The following GPX2 variants were observed in gnomAD, a reference collection of about 807,000 sequenced individuals.
GPX2 encodes the protein gastrointestinal glutathione peroxidase.
Under a neutral mutation model 14.1 loss-of-function variants are expected in GPX2, and 21 were observed. The ratio of observed to expected loss-of-function variants is 1.48; its 90% CI spans 1.05 to 2.14. The LOEUF (loss-of-function observed/expected upper bound fraction) is 2.14. Ranked by LOEUF, GPX2 falls within the 30% of genes most tolerant of loss-of-function variation. The pLI is 0.00. For synonymous variants in GPX2, 94 were observed against 95.2 expected (o/e 0.99, Z 0.07); for missense variants, 241 against 249.8 (o/e 0.96, Z 0.24).
rs1885540749 is a variant in GPX2 at position 64,940,011 on chromosome 14, G to T, written c.223-173C>A. ...TGCTCACTGCAGCCTTGAACTTCTG[G>T]GCTCAAGCATTCCTCCTGCTTCAGC... On this transcript the variant is annotated intron_variant, in intron 1 of 1. Coordinates refer to ENST00000389614, the MANE Select transcript of GPX2 (RefSeq NM_002083.4). This position sits in a 1 kb window ranked among gnomAD's most constrained non-coding sequence, Gnocchi z 4.5. The T allele has an allele frequency of 6.8e-7, 1 of 1,476,068 alleles. No individual in the cohort carries two copies. The highest frequency in any genetic ancestry group is 2.4e-5 in the Admixed American group (1 of 41,576). 91.4% of individuals were successfully genotyped at this position (1,476,068 alleles called of 1,614,324 possible). A position where few individuals can be genotyped will look rare whatever the true frequency, so the allele number is the denominator to read the frequency against.
rs759867664 is a variant in GPX2 at position 64,939,840 on chromosome 14, TA to T, written c.223-3del. On this transcript the variant is annotated splice_region_variant and splice_polypyrimidine_tract_variant and intron_variant, in intron 1 of 1. Transcript: ENST00000389614. This position sits in a 1 kb window ranked among gnomAD's most constrained non-coding sequence, Gnocchi z 5.7. ...GATCTCCTCATTCTGACAGTTCTCC[TA>T]GGGGAGGAAAAAGACAAAGTGCGTG... The T allele has an allele frequency of 2.8e-5, 45 of 1,611,914 alleles. No homozygotes were observed. Among genetic ancestry groups the T allele is most frequent in the Non-Finnish European group, 3.6e-5 (43 of 1,178,488 alleles).
chr14:64,941,390 A>G (rs148262947), intron 1 of GPX2: 201 of 1,283,752 alleles, frequency 1.6e-4, no homozygotes, highest in Non-Finnish European at 1.9e-4. Context: ...CTTGATACAA[A>G]TGGCTGGCTG....
intron 1 of GPX2, chr14:64,941,488 C>T: frequency 7.8e-7 from 1 of 1,288,744 alleles, no homozygotes; most frequent in Non-Finnish European, 1.0e-6. Flanking sequence ...GCTGGAGGGA[C>T]ATCTCGAAAG....
At position 64,939,286 on chromosome 14, in the gene GPX2, CTTGGAGCCCAAGTT is replaced by C. The variant is rs1372387177; in HGVS notation, c.*188_*201del. 1 of 586,426 alleles carries C rather than the reference CTTGGAGCCCAAGTT, an allele frequency of 1.7e-6. No homozygotes were observed. The highest frequency in any genetic ancestry group is 3.0e-6 in the Non-Finnish European group (1 of 328,238). 36.3% of individuals were successfully genotyped at this position (586,426 alleles called of 1,614,324 possible). Reference sequence around the variant, plus strand: ...GTGAAGGCCCAGAGCTTACCCAAGTCTTGGAGCCCAAGTTGAATCACCAACCAGAGGGTTGGGAG... The same window carrying C: ...GTGAAGGCCCAGAGCTTACCCAAGTCGAATCACCAACCAGAGGGTTGGGAG... On this transcript the variant is annotated 3_prime_UTR_variant, in exon 2 of 2. Transcript: ENST00000389614. The surrounding 1 kb of genome is among the most constrained non-coding windows in gnomAD (Gnocchi z 5.7).
At position 64,940,826 on chromosome 14, in the gene GPX2, G is replaced by C. The variant is rs1885592597; in HGVS notation, c.223-988C>G. 6.6e-6 allele frequency among the ~76,000 whole-genome samples: 1 copy of C among 152,102 alleles called. No individual in the cohort carries two copies. Among genetic ancestry groups the C allele is most frequent in the Non-Finnish European group, 1.5e-5 (1 of 68,014 alleles). The stretch of plus-strand genomic sequence containing the variant: ...TGCTTTGGCTCAAAACCTGGTCCCT[G>C]CCTTTCCCTCCCCACTGCCATCCCT... On this transcript the variant is annotated intron_variant, in intron 1 of 1. Transcript: ENST00000389614. The surrounding 1 kb of genome is among the most constrained non-coding windows in gnomAD (Gnocchi z 4.5).
chr14:64,942,574 G>T lies in GPX2; in HGVS notation c.153C>A (p.Asn51Lys), dbSNP rs199615908. Residue 51 changes from asparagine (N) to lysine (K), a missense_variant, in exon 1 of 2, where the codon AAC (asparagine) becomes AAA (lysine). Transcript: ENST00000389614. ...GTTTRDFTQL[N>K]ELQCRFPRRL... ...GCCTGGGAAAGCGGCATTGCAGCTC[G>T]TTGAGCTGGGTGAAGTCCCGGGTGG... 490 of 1,614,238 alleles carry T rather than the reference G, an allele frequency of 3.0e-4. 1 individual carries two copies. In the African/African-American group the frequency reaches 6.2e-3, roughly 20 times the overall value.
rs1885474574 is a variant in GPX2 at position 64,939,393 on chromosome 14, G to A, written c.*95C>T. The A allele has an allele frequency of 6.7e-6, 6 of 898,308 alleles. No individual in the cohort carries two copies. In the East Asian group the frequency reaches 1.2e-4, roughly 18 times the overall value. 55.6% of individuals were successfully genotyped at this position (898,308 alleles called of 1,614,324 possible). A position where few individuals can be genotyped will look rare whatever the true frequency, so the allele number is the denominator to read the frequency against. On this transcript the variant is annotated 3_prime_UTR_variant, in exon 2 of 2. Coordinates refer to ENST00000389614, the MANE Select transcript of GPX2 (RefSeq NM_002083.4). The surrounding 1 kb of genome is among the most constrained non-coding windows in gnomAD (Gnocchi z 5.7). ...TGAAGGGGACTGATATCAAGGGAAT[G>A]CTGAGGTCCAGCAGTGTCTCCTGAA...
Position 64,940,097 on chromosome 14 carries a change from T to C in GPX2, c.223-259A>G. 4.3e-6 allele frequency: 6 copies of C among 1,401,214 alleles called. No homozygotes were observed. Among genetic ancestry groups the C allele is most frequent in the Non-Finnish European group, 5.7e-6 (6 of 1,059,714 alleles). 86.8% of individuals were successfully genotyped at this position (1,401,214 alleles called of 1,614,324 possible). On this transcript the variant is annotated intron_variant, in intron 1 of 1. Transcript: ENST00000389614. The surrounding 1 kb of genome is among the most constrained non-coding windows in gnomAD (Gnocchi z 4.5). Reference sequence around the variant, plus strand: ...ATGCCCGGCTAATTTTTTTTTTTTTTTGTAGAGATGGGGTCTCACTTTGTT... The same window carrying C: ...ATGCCCGGCTAATTTTTTTTTTTTTCTGTAGAGATGGGGTCTCACTTTGTT...
chr14:64,939,409 G>T lies in GPX2; in HGVS notation c.*79C>A. 1 of 1,062,736 alleles carries T rather than the reference G, an allele frequency of 9.4e-7. No individual in the cohort carries two copies. Among genetic ancestry groups the T allele is most frequent in the Non-Finnish European group, 1.4e-6 (1 of 705,694 alleles). 65.8% of individuals were successfully genotyped at this position (1,062,736 alleles called of 1,614,324 possible). On this transcript the variant is annotated 3_prime_UTR_variant, in exon 2 of 2. Transcript: ENST00000389614. This position sits in a 1 kb window ranked among gnomAD's most constrained non-coding sequence, Gnocchi z 5.7. ...CAAGGGAATGCTGAGGTCCAGCAGTGTCTCCTGAAGGCATGCTGCATCCTA... is the reference window on the plus strand; with the variant it reads ...CAAGGGAATGCTGAGGTCCAGCAGTTTCTCCTGAAGGCATGCTGCATCCTA...
intron 1 of GPX2, 40 bp downstream of exon 1, chr14:64,942,465 A>T (rs756456356): frequency 1.3e-6 from 2 of 1,537,362 alleles, no homozygotes; most frequent in Non-Finnish European, 1.8e-6. Context: ...AGCTACACCA[A>T]CCCAACACTT....
chr14:64,942,144 A>G (rs750862528), intron 1 of GPX2, among the ~76,000 whole-genome samples: 28 of 152,182 alleles, frequency 1.8e-4, no homozygotes, highest in Non-Finnish European at 3.2e-4. Context: ...AGTCTGTCCA[A>G]TTCTTGTTTG....
At position 64,942,652 on chromosome 14, in the gene GPX2, C is replaced by T. The variant is rs781271070; in HGVS notation, c.75G>A (p.Thr25=). ...CAATCAGCACGGCCCTGCCCCGGAA[C>T]GTATTGAAATCTACCTTCTCCCCAT... ...SLDGEKVDFN[T]FRGRAVLIEN... Residue 25 remains threonine, a synonymous_variant, in exon 1 of 2, where the codon ACG becomes ACA. Transcript: ENST00000389614. The T allele has an allele frequency of 3.2e-5, 52 of 1,614,038 alleles. No homozygotes were observed. Among genetic ancestry groups the T allele is most frequent in the Middle Eastern group, 3.3e-4 (2 of 6,084 alleles).
chr14:64,939,545 G>C lies in GPX2; in HGVS notation c.516C>G (p.Thr172=). 6.2e-7 allele frequency: 1 copy of C among 1,614,166 alleles called. No individual in the cohort carries two copies. The highest frequency in any genetic ancestry group is 8.5e-7 in the Non-Finnish European group (1 of 1,180,022). Residue 172 remains threonine, a synonymous_variant, in exon 2 of 2, where the codon ACC becomes ACG. Transcript: ENST00000389614. This position sits in a 1 kb window ranked among gnomAD's most constrained non-coding sequence, Gnocchi z 5.7. ...CAGGCTCAATGTTGATGGTTGGGAA[G>C]GTGCGGCTGTAGCGTCGGAAGGGCT... ...EGEPFRRYSR[T]FPTINIEPDI...
Position 64,942,708 on chromosome 14 carries a change from A to T in GPX2, c.19T>A (p.Ser7Thr). 1 of 1,614,046 alleles carries T rather than the reference A, an allele frequency of 6.2e-7. No individual in the cohort carries two copies. The highest frequency in any genetic ancestry group is 8.5e-7 in the Non-Finnish European group (1 of 1,179,954). ...CTGATGGCACTGAGGTCATAGAAGGACTTGGCAATGAAAGCCATGGTGAAG... is the reference window on the plus strand; with the variant it reads ...CTGATGGCACTGAGGTCATAGAAGGTCTTGGCAATGAAAGCCATGGTGAAG... MAFIAKSFYDLSAISLD... is the reference protein window; with the variant it reads MAFIAKTFYDLSAISLD... The change falls in exon 1 of 2, where the codon TCC (serine) becomes ACC (threonine). Residue 7 changes from serine to threonine, a missense_variant. By Grantham distance (58) the Ser-to-Thr change is moderately conservative (BLOSUM62 1). Transcript: ENST00000389614.
In GPX2 at chr14:64,939,900, A is replaced by G. The variant is rs990649389; in HGVS notation, c.223-62T>C. 1.3e-5 allele frequency: 21 copies of G among 1,566,906 alleles called. No homozygotes were observed. The highest frequency in any genetic ancestry group is 5.4e-5 in the Admixed American group (3 of 55,616). On this transcript the variant is annotated intron_variant, in intron 1 of 1. Coordinates refer to ENST00000389614, the MANE Select transcript of GPX2 (RefSeq NM_002083.4). The surrounding 1 kb of genome is among the most constrained non-coding windows in gnomAD (Gnocchi z 5.7). Reference sequence around the variant, plus strand: ...GTGGGGGAAGAGAAAGATCCACAACATGAAACTCTTTCACCCTCCTACACT... The same window carrying G: ...GTGGGGGAAGAGAAAGATCCACAACGTGAAACTCTTTCACCCTCCTACACT...
rs1467411134 is a variant in GPX2, at chr14:64,940,593, C to A, written c.223-755G>T. ...TTCAAGGCAACAATGAATGTGTACT[C>A]TAAATGGAACTACTTAGTAACCAAC... On this transcript the variant is annotated intron_variant, in intron 1 of 1. Transcript: ENST00000389614. This position sits in a 1 kb window ranked among gnomAD's most constrained non-coding sequence, Gnocchi z 4.5. 6.6e-6 allele frequency among the ~76,000 whole-genome samples: 1 copy of A among 152,166 alleles called. No individual in the cohort carries two copies. The highest frequency in any genetic ancestry group is 1.5e-5 in the Non-Finnish European group (1 of 68,046).
intron 1 of GPX2, chr14:64,941,669 G>A (rs1228332546): frequency 3.9e-5 from 23 of 587,836 alleles, no homozygotes; most frequent in Non-Finnish European, 5.2e-5. Flanking sequence ...ATTGAACTAA[G>A]GGGATTATAA....
In GPX2 at chr14:64,939,766, A is replaced by G. The variant is rs1362370278; in HGVS notation, c.295T>C (p.Phe99Leu). Residue 99 changes from phenylalanine (F) to leucine (L), a missense_variant, in exon 2 of 2, where the codon TTC becomes CTC. Phe to Leu is a conservative substitution (Grantham distance 22, BLOSUM62 0). Coordinates refer to ENST00000389614, the MANE Select transcript of GPX2 (RefSeq NM_002083.4). The surrounding 1 kb of genome is among the most constrained non-coding windows in gnomAD (Gnocchi z 5.7). The part of the protein sequence containing the change: ...VRPGGGYQPT[F>L]TLVQKCEVNG... ...ACCTCACATTTTTGGACAAGGGTGA[A>G]GGTGGGCTGGTATCCACCCCCAGGA... 1 of 1,614,136 alleles carries G rather than the reference A, an allele frequency of 6.2e-7. No individual in the cohort carries two copies. The highest frequency in any genetic ancestry group is 2.2e-5 in the East Asian group (1 of 44,884).
At chr14:64,942,177 A>G (rs1885686121) in intron 1 of GPX2, among the ~76,000 whole-genome samples, 1 of 152,002 alleles carries the variant, frequency 6.6e-6, no homozygotes, top group Non-Finnish European at 1.5e-5. Context: ...TACTTTCTCC[A>G]CTCATTTATT....
Sources: allele counts gnomAD v4.1 joint callset (sites outside exome capture counted in the v4.1 genomes callset), GRCh38; gene constraint gnomAD v4.1.1; non-coding constraint Gnocchi (gnomAD v3.1); transcripts MANE v1.5; gene names NCBI Gene and HGNC (gene_info 2026-07-23, HGNC 2026-07-21).